Variants in USH2A observed in about 807,000 individuals in gnomAD.
The protein encoded by USH2A is usherin, also known as Usher syndrome 2A (autosomal recessive, mild).
Under a neutral mutation model 538.9 loss-of-function variants are expected in USH2A, and 443 were observed. That is an observed-to-expected ratio of 0.82 (90% CI 0.76 to 0.89). The LOEUF (loss-of-function observed/expected upper bound fraction) is 0.89, where lower values mean the gene tolerates loss of function less well. USH2A is among the 40% of genes least tolerant of loss of function. The probability of loss-of-function intolerance (pLI) is 0.00; values close to 1 mark genes in which losing one functional copy is unlikely to be tolerated. For synonymous variants in USH2A, 2,413 were observed against 2,273.5 expected (o/e 1.06, Z -1.75); for missense variants, 6,633 against 6,324.8 (o/e 1.05, Z -1.65).
In USH2A at chr1:216,170,371, T is replaced by C. The variant is rs17026213; in HGVS notation, c.4627+4881A>G. The stretch of plus-strand genomic sequence containing the variant: ...AATGTATGACAATCATTTAGTGTCC[T>C]TGAACATCATTATTATGAAGAAACT... On this transcript the variant is annotated intron_variant, in intron 21 of 71. Coordinates refer to ENST00000307340, the MANE Select transcript of USH2A (RefSeq NM_206933.4). Among the ~76,000 whole-genome samples, 602 of 152,262 alleles carry C rather than the reference T, an allele frequency of 4.0e-3. 1 individual carries two copies. The highest frequency in any genetic ancestry group is 0.014 in the African/African-American group (575 of 41,558).
chr1:215,811,393 T>C (rs1284981571), intron 49 of USH2A, among the ~76,000 whole-genome samples: 2 of 152,152 alleles, frequency 1.3e-5, no homozygotes, highest in Admixed American at 1.3e-4. Context: ...AACGTATTTT[T>C]CACACTCTTT....
intron 32 of USH2A, among the ~76,000 whole-genome samples, chr1:216,038,560 T>G (rs1391571410): frequency 1.3e-5 from 2 of 152,000 alleles, no homozygotes; most frequent in Admixed American, 1.3e-4. Context: ...GTGTCAACAC[T>G]CAGGAAAGCA....
At chr1:215,763,868 A>T (rs544215651) in intron 56 of USH2A, among the ~76,000 whole-genome samples, 116 of 152,160 alleles carry the variant, frequency 7.6e-4, no homozygotes, top group African/African-American at 2.7e-3. Flanking sequence ...AATTTTTTTA[A>T]AAAAAATTCT....
At chr1:215,826,921 A>T (rs1305182996) in intron 47 of USH2A, among the ~76,000 whole-genome samples, 1 of 152,200 alleles carries the variant, frequency 6.6e-6, no homozygotes, top group Non-Finnish European at 1.5e-5. Flanking sequence ...TAATAAACTT[A>T]GGGGATTAAA....
chr1:216,239,558 T>C (rs1461035402), intron 13 of USH2A, among the ~76,000 whole-genome samples: 1 of 152,098 alleles, frequency 6.6e-6, no homozygotes, highest in African/African-American at 2.4e-5. Context: ...GGTCAGAGAG[T>C]TCATGGACAT....
chr1:215,881,501 T>A (rs1664908483), intron 41 of USH2A, among the ~76,000 whole-genome samples: 2 of 152,204 alleles, frequency 1.3e-5, no homozygotes, highest in South Asian at 4.1e-4. Context: ...TTTCTATGCT[T>A]AAGACCACAT....
intron 60 of USH2A, among the ~76,000 whole-genome samples, chr1:215,735,295 T>C (rs779937333): frequency 6.6e-6 from 1 of 152,214 alleles, no homozygotes; most frequent in African/African-American, 2.4e-5. Context: ...TTCCTGTAGT[T>C]GCCACCTCCA....
At chr1:215,897,008 T>TA (rs1259321614) in intron 40 of USH2A, among the ~76,000 whole-genome samples, 1 of 152,092 alleles carries the variant, frequency 6.6e-6, no homozygotes, top group Non-Finnish European at 1.5e-5. Context: ...ACTAGATTTT[T>TA]AAAAATGCAT....
At chr1:215,994,933 C>T (rs547659275) in intron 34 of USH2A, among the ~76,000 whole-genome samples, 15 of 152,150 alleles carry the variant, frequency 9.9e-5, no homozygotes, top group Non-Finnish European at 2.1e-4. Context: ...AAATTTTTCC[C>T]ACTTCTCAGG....
chr1:215,882,935 CA>C (rs1447763117), intron 41 of USH2A, among the ~76,000 whole-genome samples: 1 of 152,044 alleles, frequency 6.6e-6, no homozygotes, highest in Non-Finnish European at 1.5e-5. Flanking sequence ...CAAGTATTGC[CA>C]TGCCAAAAGG....
chr1:216,231,818 G>T, intron 14 of USH2A, 135 bp downstream of exon 14: 2 of 1,029,952 alleles, frequency 1.9e-6, no homozygotes, highest in Non-Finnish European at 3.0e-6. Context: ...CTCTCAAAGT[G>T]CTGGGATTAC....
intron 69 of USH2A, among the ~76,000 whole-genome samples, chr1:215,637,424 A>G (rs918092553): frequency 2.0e-5 from 3 of 152,234 alleles, no homozygotes; most frequent in African/African-American, 4.8e-5. Context: ...TTGCAAAGAA[A>G]AAGTCCCAGG....
At chr1:215,893,283 G>A (rs1353900283) in intron 40 of USH2A, among the ~76,000 whole-genome samples, 3 of 152,074 alleles carry the variant, frequency 2.0e-5, no homozygotes, top group South Asian at 4.1e-4. Context: ...AATGATTATG[G>A]TAAACATCCA....
Position 215,624,976 on chromosome 1 carries a change from A to C in USH2A, c.*805T>G, listed in dbSNP as rs778054138. ...AGTGAATTGACAGAATTTTATGAGA[A>C]ACTAGTTTCAAAACTATAAAATATA... On this transcript the variant is annotated 3_prime_UTR_variant, in exon 72 of 72. Transcript: ENST00000307340. The C allele has an allele frequency of 2.6e-5, 4 of 152,192 alleles. 1 individual carries two copies. Among genetic ancestry groups the C allele is most frequent in the Non-Finnish European group, 5.9e-5 (4 of 68,024 alleles). The allele number at this position is 152,192 out of a possible 1,614,324, so 9.4% of individuals were successfully genotyped here.
chr1:215,648,608 A>G lies in USH2A; in HGVS notation c.14502T>C (p.Ser4834=), dbSNP rs757597534. 5 of 1,614,178 alleles carry G rather than the reference A, an allele frequency of 3.1e-6. No individual in the cohort carries two copies. Among genetic ancestry groups the G allele is most frequent in the Non-Finnish European group, 3.4e-6 (4 of 1,180,032 alleles). ...TTGAGGCCAGCGTCCCGATTTGTGGAGAGGACAGTCCTGAGGGTGGGGCAG... is the reference window on the plus strand; with the variant it reads ...TTGAGGCCAGCGTCCCGATTTGTGGGGAGGACAGTCCTGAGGGTGGGGCAG... ...THPAPPSGLS[S]PQIGTLASRT... Residue 4834 remains serine (S), a synonymous_variant, in exon 66 of 72, where the codon TCT becomes TCC. Coordinates refer to ENST00000307340, the MANE Select transcript of USH2A (RefSeq NM_206933.4).
In USH2A at chr1:215,759,786, C is replaced by T. The variant is rs1057519193; in HGVS notation, c.11105G>A (p.Trp3702Ter). Reference protein sequence around the residue: ...IINSTTVELYWSLPEKPNGLV... With the variant: ...IINSTTVELY ...GCCATTGGGCTTTTCTGGCAGACTC[C>T]AATATAATTCCACTGTTGTAGAATT... The change falls in exon 57 of 72, where the codon TGG becomes TAG. Residue 3702 changes from tryptophan (W) to a stop codon, truncating the protein, a stop_gained. Coordinates refer to ENST00000307340, the MANE Select transcript of USH2A (RefSeq NM_206933.4). LOFTEE classifies it high-confidence loss of function. 1.2e-6 allele frequency: 2 copies of T among 1,613,908 alleles called. No homozygotes were observed. Among genetic ancestry groups the T allele is most frequent in the Non-Finnish European group, 1.7e-6 (2 of 1,179,974 alleles).
At chr1:216,141,453 C>T (rs1484410908) in intron 21 of USH2A, among the ~76,000 whole-genome samples, 2 of 152,172 alleles carry the variant, frequency 1.3e-5, no homozygotes, top group Non-Finnish European at 2.9e-5. Context: ...ATACTAACAG[C>T]CTTTCCATTT....
At chr1:215,641,953 T>C (rs1656700017) in intron 67 of USH2A, among the ~76,000 whole-genome samples, 1 of 152,234 alleles carries the variant, frequency 6.6e-6, no homozygotes, top group South Asian at 2.1e-4. Flanking sequence ...TTCTGCCTGA[T>C]ATCACAAGGA....
chr1:216,277,210 T>A (rs550745071), intron 11 of USH2A, among the ~76,000 whole-genome samples: 1 of 152,176 alleles, frequency 6.6e-6, no homozygotes, highest in Admixed American at 6.5e-5. Flanking sequence ...ATGCTCTTTA[T>A]GCTTAATTGC....
Sources: allele counts gnomAD v4.1 joint callset (sites outside exome capture counted in the v4.1 genomes callset), GRCh38; gene constraint gnomAD v4.1.1; transcripts MANE v1.5; gene names NCBI Gene and HGNC (gene_info 2026-07-23, HGNC 2026-07-21).